The following ARHGAP15 variants were observed in gnomAD, a reference collection of about 807,000 sequenced individuals.
ARHGAP15 encodes rho GTPase-activating protein 15.
A neutral mutation model predicts 63.7 loss-of-function variants in ARHGAP15; 51 were observed. That is an observed-to-expected ratio of 0.80 (90% CI 0.64 to 1.01). The LOEUF (loss-of-function observed/expected upper bound fraction) is 1.01. ARHGAP15 is among the 50% of genes least tolerant of loss of function. The pLI is 0.00. For missense variants in ARHGAP15, 560 were observed against 564.6 expected, an observed-to-expected ratio of 0.99 and a Z score of 0.08; for synonymous variants, 191 against 193.8, an observed-to-expected ratio of 0.99 and a Z score of 0.12.
At chr2:143,543,278 C>T (rs552436111) in intron 10 of ARHGAP15, among the ~76,000 whole-genome samples, 30 of 152,156 alleles carry the variant, frequency 2.0e-4, no homozygotes, top group African/African-American at 7.2e-4. Context: ...TTTTAATTTG[C>T]ATGTATCTGA....
intron 13 of ARHGAP15, chr2:143,706,451 A>G (rs1415865935): frequency 6.6e-6 from 1 of 152,160 alleles, no homozygotes; most frequent in Non-Finnish European, 1.5e-5. Flanking sequence ...TGAAGTGCCA[A>G]AAATTCCACT....
At chr2:143,350,779 C>T (rs1255045533) in intron 6 of ARHGAP15, among the ~76,000 whole-genome samples, 3 of 128,798 alleles carry the variant, frequency 2.3e-5, no homozygotes, top group African/African-American at 8.9e-5. Context: ...GTGGAGTGTG[C>T]AGTGAGCCGA....
intron 6 of ARHGAP15, among the ~76,000 whole-genome samples, chr2:143,410,073 T>A (rs1483421948): frequency 2.6e-5 from 4 of 152,172 alleles, no homozygotes; most frequent in Non-Finnish European, 4.4e-5. Flanking sequence ...GAACCAAAAA[T>A]CTTTCTGAAA....
At chr2:143,145,507 G>A (rs1689545461) in intron 1 of ARHGAP15, among the ~76,000 whole-genome samples, 1 of 152,004 alleles carries the variant, frequency 6.6e-6, no homozygotes, top group Non-Finnish European at 1.5e-5. Flanking sequence ...ATTGAGAACT[G>A]TGCCACCTAG....
intron 9 of ARHGAP15, among the ~76,000 whole-genome samples, chr2:143,492,211 TAC>T (rs1326743832): frequency 6.6e-6 from 1 of 152,040 alleles, no homozygotes; most frequent in Non-Finnish European, 1.5e-5. Flanking sequence ...GCCAGATACT[TAC>T]AGTCAAATAC....
intron 8 of ARHGAP15, among the ~76,000 whole-genome samples, chr2:143,460,392 T>C (rs1289194382): frequency 6.6e-6 from 1 of 152,186 alleles, no homozygotes; most frequent in Non-Finnish European, 1.5e-5. Flanking sequence ...GTTTTATTCA[T>C]TTCATTTTAT....
At position 143,166,001 on chromosome 2, in the gene ARHGAP15, A is replaced by AGAAAGAAGGAAGGAAG. The variant is rs70982847; in HGVS notation, c.165+10349_165+10350insAGAAGGAAGGAAGGAA. Among the ~76,000 whole-genome samples, 125 of 101,142 alleles carry AGAAAGAAGGAAGGAAG rather than the reference A, an allele frequency of 1.2e-3. 1 individual carries two copies. The highest frequency in any genetic ancestry group is 5.1e-3 in the African/African-American group (112 of 22,044). 66.4% of individuals were successfully genotyped at this position (101,142 alleles called of 152,430 possible). A position where few individuals can be genotyped will look rare whatever the true frequency, so the allele number is the denominator to read the frequency against. On this transcript the variant is annotated intron_variant, in intron 2 of 13. Transcript: ENST00000295095. ...AAGAAAGAAAGAAAGAAAGAAAGAA[A>AGAAAGAAGGAAGGAAG]GAAGGAAGGAAGGAAAAAAAGAAAG...
intron 6 of ARHGAP15, among the ~76,000 whole-genome samples, chr2:143,315,076 A>G (rs1393006032): frequency 6.6e-6 from 1 of 152,184 alleles, no homozygotes; most frequent in Non-Finnish European, 1.5e-5. Flanking sequence ...AGCCTATTTA[A>G]TCCTTCAAGG....
intron 9 of ARHGAP15, among the ~76,000 whole-genome samples, chr2:143,511,647 T>C (rs1192209292): frequency 6.6e-6 from 1 of 152,096 alleles, no homozygotes. Context: ...ACAAGAGACA[T>C]GAGCATTTAG....
intron 6 of ARHGAP15, among the ~76,000 whole-genome samples, chr2:143,329,189 T>G (rs1224914788): frequency 6.6e-6 from 1 of 152,242 alleles, no homozygotes; most frequent in Non-Finnish European, 1.5e-5. Context: ...CTAGGTTACA[T>G]TATACGGCAA....
intron 6 of ARHGAP15, among the ~76,000 whole-genome samples, chr2:143,278,451 C>T (rs899658196): frequency 6.6e-6 from 1 of 152,144 alleles, no homozygotes; most frequent in Non-Finnish European, 1.5e-5. Flanking sequence ...ATTTCCCCAA[C>T]TTAAGGCTCT....
chr2:143,216,237 C>T (rs976725567), intron 3 of ARHGAP15, 147 bp from the exon 4 acceptor site: 6 of 539,012 alleles, frequency 1.1e-5, no homozygotes, highest in Admixed American at 1.1e-4. Context: ...TTTGCAGGCA[C>T]TTCCCATAAG....
intron 3 of ARHGAP15, among the ~76,000 whole-genome samples, chr2:143,214,320 C>T (rs527356509): frequency 1.3e-5 from 2 of 152,134 alleles, no homozygotes; most frequent in South Asian, 4.1e-4. Context: ...AACAAAATTT[C>T]TCAGTATACA....
At chr2:143,436,826 C>A in intron 7 of ARHGAP15, 87 bp from the exon 8 acceptor site, 1 of 1,436,116 alleles carries the variant, frequency 7.0e-7, no homozygotes, top group South Asian at 1.3e-5. Context: ...CAAATTTCCC[C>A]ATAAACAGCA....
At chr2:143,592,402 G>A (rs4414623) in intron 11 of ARHGAP15, among the ~76,000 whole-genome samples, 120,073 of 152,168 alleles carry the variant, frequency 0.79, 47,473 homozygotes, top group African/African-American at 0.81. Context: ...TAGTTGTGTC[G>A]TTCTGTAAGA....
chr2:143,565,079 A>G (rs1407750648), intron 11 of ARHGAP15, among the ~76,000 whole-genome samples: 1 of 152,204 alleles, frequency 6.6e-6, no homozygotes, highest in African/African-American at 2.4e-5. Context: ...AATCATACTT[A>G]AGAAAAATTA....
chr2:143,496,860 T>C (rs1419603304), intron 9 of ARHGAP15, among the ~76,000 whole-genome samples: 1 of 152,218 alleles, frequency 6.6e-6, no homozygotes, highest in African/African-American at 2.4e-5. Flanking sequence ...TTTTAGCCAA[T>C]GACCCCTAAA....
intron 6 of ARHGAP15, among the ~76,000 whole-genome samples, chr2:143,419,437 A>G (rs1688821116): frequency 6.6e-6 from 1 of 152,224 alleles, no homozygotes. Context: ...ACAAAAAGTC[A>G]TGCTTATGCA....
intron 2 of ARHGAP15, among the ~76,000 whole-genome samples, chr2:143,189,952 T>C (rs575611252): frequency 6.6e-6 from 1 of 152,306 alleles, no homozygotes; most frequent in South Asian, 2.1e-4. Context: ...CTAATAGTTT[T>C]TGTTCGCTTG....
Sources: gnomAD v4.1 joint callset for allele counts (sites outside exome capture counted in the v4.1 genomes callset) on GRCh38, gnomAD v4.1.1 for gene constraint, MANE v1.5 for transcripts, NCBI Gene and HGNC (gene_info 2026-07-23, HGNC 2026-07-21) for gene names.